Variants in SYNE1 observed in about 807,000 individuals in gnomAD.
SYNE1 encodes the protein spectrin repeat containing nuclear envelope protein 1.
A neutral mutation model predicts 1,111.0 loss-of-function variants in SYNE1; 616 were observed. The observed-to-expected ratio is 0.55, with a 90% CI of 0.52 to 0.59. The LOEUF (loss-of-function observed/expected upper bound fraction) is 0.59. SYNE1 is among the 20% of genes least tolerant of loss of function. The pLI is 0.00. For missense variants in SYNE1, 10,006 were observed against 10,417.0 expected (o/e 0.96, Z 1.72); for synonymous variants, 3,855 against 3,825.8 (o/e 1.01, Z -0.28).
intron 4 of SYNE1, among the ~76,000 whole-genome samples, chr6:152,535,612 G>A (rs534057771): frequency 6.6e-6 from 1 of 151,762 alleles, no homozygotes; most frequent in African/African-American, 2.4e-5. Flanking sequence ...TTGAATCAAG[G>A]GTGTTTAAAT....
At chr6:152,192,315 G>GTTTATTTTCTGTT (rs57981445) in intron 127 of SYNE1, among the ~76,000 whole-genome samples, 58,491 of 151,566 alleles carry the variant, frequency 0.39, 11,352 homozygotes, top group African/African-American at 0.45. Context: ...TTTCTGTCTG[G>GTTTATTTTCTGTT]ATGATCTCTC....
chr6:152,504,937 C>T (rs2099049747), intron 9 of SYNE1, among the ~76,000 whole-genome samples: 1 of 152,172 alleles, frequency 6.6e-6, no homozygotes, highest in Non-Finnish European at 1.5e-5. Context: ...TTTCATTCCA[C>T]CCTTAAGTAT....
At chr6:152,630,658 T>C (rs1253322229) in intron 2 of SYNE1, among the ~76,000 whole-genome samples, 2 of 152,214 alleles carry the variant, frequency 1.3e-5, no homozygotes, top group Non-Finnish European at 2.9e-5. Context: ...AATCTACCTA[T>C]TATCTATATC....
chr6:152,504,755 T>C (rs2099048714), intron 9 of SYNE1, among the ~76,000 whole-genome samples: 1 of 152,172 alleles, frequency 6.6e-6, no homozygotes, highest in South Asian at 2.1e-4. Flanking sequence ...GCCAAACAAT[T>C]GAAATGACAA....
Position 152,425,428 on chromosome 6 carries a change from C to T in SYNE1, c.5220G>A (p.Glu1740=), listed in dbSNP as rs751765439. The T allele has an allele frequency of 1.9e-6, 3 of 1,614,214 alleles. No homozygotes were observed. The highest frequency in any genetic ancestry group is 1.1e-5 in the South Asian group (1 of 91,088). ...AATCTCTCCATCTCTCATCCAACTG[C>T]TCCAAATGTAGTTTCATCATTTTCA... The part of the protein sequence containing the change: ...DDVKMMKLHL[E]QLDERWRDLP... The change falls in exon 39 of 146, where the codon GAG becomes GAA. Residue 1740 remains glutamate, a synonymous_variant. Transcript: ENST00000367255.
At chr6:152,540,358 T>C (rs879935487) in intron 3 of SYNE1, among the ~76,000 whole-genome samples, 2 of 152,164 alleles carry the variant, frequency 1.3e-5, no homozygotes, top group African/African-American at 2.4e-5. Context: ...AATTTTATGC[T>C]AAGTGCAAAG....
Position 152,391,590 on chromosome 6 carries a change from A to G in SYNE1, c.7713-22T>C, listed in dbSNP as rs2097635790. 6.4e-6 allele frequency: 10 copies of G among 1,556,684 alleles called. No individual in the cohort carries two copies. The Admixed American group carries it at 1.5e-4, about 23-fold the overall frequency. ...CTCTCTGAAAAAAAGGAAAAAAAAA[A>G]AAAAGAAAAAAAATTAATTCTGACA... On this transcript the variant is annotated intron_variant, in intron 51 of 145. Coordinates refer to ENST00000367255, the MANE Select transcript of SYNE1 (RefSeq NM_182961.4).
intron 95 of SYNE1, among the ~76,000 whole-genome samples, chr6:152,290,251 A>C (rs2094537380): frequency 6.6e-6 from 1 of 152,078 alleles, no homozygotes; most frequent in Non-Finnish European, 1.5e-5. Context: ...CTGCATTCAA[A>C]CCTTAAAATG....
In SYNE1 at chr6:152,359,473, A is replaced by G; in HGVS notation, c.10300-15T>C. ...TCATTTAATAACTAGAGAGCATTTA[A>G]GAAAAATAAAGTGGCCATTCATGCA... On this transcript the variant is annotated splice_polypyrimidine_tract_variant and intron_variant, in intron 64 of 145. Coordinates refer to ENST00000367255, the MANE Select transcript of SYNE1 (RefSeq NM_182961.4). 1 of 1,614,170 alleles carries G rather than the reference A, an allele frequency of 6.2e-7. No homozygotes were observed. Among genetic ancestry groups the G allele is most frequent in the Non-Finnish European group, 8.5e-7 (1 of 1,180,010 alleles).
In SYNE1 at chr6:152,236,087, CA is replaced by C; in HGVS notation, c.20396+19del. 2 of 1,611,928 alleles carry C rather than the reference CA, an allele frequency of 1.2e-6. No individual in the cohort carries two copies. The highest frequency in any genetic ancestry group is 1.7e-6 in the Non-Finnish European group (2 of 1,178,048). On this transcript the variant is annotated intron_variant, in intron 110 of 145. Coordinates refer to ENST00000367255, the MANE Select transcript of SYNE1 (RefSeq NM_182961.4). ...AATGCAGCACTTATCTAAAAATATA[CA>C]AAACAGTCATTGTATTACCTGGTCC...
chr6:152,400,123 G>A (rs1457902575), intron 47 of SYNE1, among the ~76,000 whole-genome samples: 2 of 151,940 alleles, frequency 1.3e-5, no homozygotes, highest in South Asian at 2.1e-4. Flanking sequence ...CTTGGGTTTA[G>A]TCAATTGATT....
At chr6:152,565,894 G>A in intron 3 of SYNE1, among the ~76,000 whole-genome samples, 1 of 152,104 alleles carries the variant, frequency 6.6e-6, no homozygotes, top group East Asian at 1.9e-4. Flanking sequence ...CCTTAAATGA[G>A]GACCAGTCTT....
intron 84 of SYNE1, among the ~76,000 whole-genome samples, chr6:152,319,548 GA>G (rs899329195): frequency 6.6e-6 from 1 of 152,160 alleles, no homozygotes; most frequent in African/African-American, 2.4e-5. Context: ...AAAGGAAGGT[GA>G]AAAAAGACAG....
chr6:152,357,254 T>G (rs2096854508), intron 66 of SYNE1, among the ~76,000 whole-genome samples: 1 of 152,168 alleles, frequency 6.6e-6, no homozygotes, highest in Admixed American at 6.6e-5. Context: ...TTGGGTCCCA[T>G]CAAGGATTAG....
At chr6:152,289,170 G>C (rs1448184499) in intron 95 of SYNE1, among the ~76,000 whole-genome samples, 1 of 152,134 alleles carries the variant, frequency 6.6e-6, no homozygotes, top group Non-Finnish European at 1.5e-5. Flanking sequence ...GAGTATAAGA[G>C]CTGGTGGCCA....
In SYNE1 at chr6:152,385,720, A is replaced by G. The variant is rs371025400; in HGVS notation, c.8606T>C (p.Met2869Thr). 12 of 1,614,024 alleles carry G rather than the reference A, an allele frequency of 7.4e-6. No individual in the cohort carries two copies. Among genetic ancestry groups the G allele is most frequent in the Non-Finnish European group, 1.0e-5 (12 of 1,180,010 alleles). ...CTGGGTGGCTGATGAATCTCCAGAC[A>G]TATCTGACCACCGGTGAAGTTCTTC... ...AKEELHRWSD[M>T]SGDSSATQKK... Residue 2869 changes from methionine to threonine, a missense_variant, in exon 55 of 146, where the codon ATG becomes ACG. Met to Thr is a moderately conservative substitution (Grantham distance 81, BLOSUM62 -1). Transcript: ENST00000367255.
chr6:152,221,087 C>G, intron 118 of SYNE1, 41 bp from the exon 119 acceptor site: 1 of 1,593,190 alleles, frequency 6.3e-7, no homozygotes, highest in Non-Finnish European at 8.6e-7. Flanking sequence ...ATTACCACCT[C>G]TCACCAAATG....
chr6:152,331,575 G>A lies in SYNE1; in HGVS notation c.13110C>T (p.Ala4370=), dbSNP rs544629558. Residue 4370 remains alanine (A), a synonymous_variant, in exon 78 of 146, where the codon GCC becomes GCT. Transcript: ENST00000367255. ...TATCTGGAGGAGGGCTCTGCTTAAG[G>A]GCCTCGGCGATGTTGGGTTGTTGCT... ...AEEQQPNIAE[A]LKQSPPPDMA... 1.2e-6 allele frequency: 2 copies of A among 1,614,104 alleles called. No homozygotes were observed. The highest frequency in any genetic ancestry group is 1.3e-5 in the African/African-American group (1 of 75,028).
At chr6:152,340,446 C>T (rs1479261326) in intron 74 of SYNE1, among the ~76,000 whole-genome samples, 1 of 152,156 alleles carries the variant, frequency 6.6e-6, no homozygotes, top group Non-Finnish European at 1.5e-5. Flanking sequence ...GTGGGGCTGA[C>T]TTATAGCTTG....
Sources: allele counts gnomAD v4.1 joint callset (sites outside exome capture counted in the v4.1 genomes callset), GRCh38; gene constraint gnomAD v4.1.1; transcripts MANE v1.5; gene names NCBI Gene and HGNC (gene_info 2026-07-23, HGNC 2026-07-21).